AFG2A: variants seen among roughly 807,000 people sequenced by gnomAD.
The protein encoded by AFG2A is ATPase family gene 2 protein homolog A.
chr4:123,299,055 A>G, the AFG2A span, among the ~76,000 whole-genome samples: 2 of 152,184 alleles, frequency 1.3e-5, no homozygotes, highest in South Asian at 4.1e-4. Context: ...CAACATGTAC[A>G]TCACATTTTA....
chr4:123,040,829 ACT>A, the AFG2A span, among the ~76,000 whole-genome samples: 1 of 152,074 alleles, frequency 6.6e-6, no homozygotes, highest in Admixed American at 6.6e-5. Flanking sequence ...TTATGAAGTC[ACT>A]CTGTAGTATC....
chr4:123,206,307 T>C, the AFG2A span, among the ~76,000 whole-genome samples: 1 of 152,260 alleles, frequency 6.6e-6, no homozygotes, highest in East Asian at 1.9e-4. Flanking sequence ...TAGAGACATA[T>C]ATTGCCTGAG....
At chr4:123,154,023 A>C in the AFG2A span, among the ~76,000 whole-genome samples, 1 of 152,302 alleles carries the variant, frequency 6.6e-6, no homozygotes, top group East Asian at 1.9e-4. Context: ...AGACTTTTGA[A>C]AGACAAAATT....
chr4:123,276,094 C>G, the AFG2A span, among the ~76,000 whole-genome samples: 3 of 152,158 alleles, frequency 2.0e-5, no homozygotes, highest in African/African-American at 4.8e-5. Context: ...CTCATTTAAA[C>G]TCCCACCAGT....
chr4:122,938,297 C>T, the AFG2A span: 4 of 1,423,744 alleles, frequency 2.8e-6, no homozygotes, highest in East Asian at 1.0e-4. Flanking sequence ...ATTCTTAATA[C>T]TTATGTGTAG....
chr4:123,251,288 T>C, the AFG2A span, among the ~76,000 whole-genome samples: 1 of 152,298 alleles, frequency 6.6e-6, no homozygotes, highest in African/African-American at 2.4e-5. Context: ...TCTCCAAGGC[T>C]GTATCCCCAG....
the AFG2A span, among the ~76,000 whole-genome samples, chr4:123,261,483 G>C: frequency 3.3e-5 from 5 of 152,178 alleles, no homozygotes; most frequent in African/African-American, 9.7e-5. Context: ...CATTATGTCA[G>C]TTGTCATAAG....
At chr4:122,925,920 G>T in the AFG2A span, among the ~76,000 whole-genome samples, 1 of 152,200 alleles carries the variant, frequency 6.6e-6, no homozygotes, top group East Asian at 1.9e-4. Flanking sequence ...ATGGTTGTTT[G>T]AAATTATCTT....
chr4:123,317,186 C>T, the AFG2A span: 1 of 138,498 alleles, frequency 7.2e-6, no homozygotes, highest in African/African-American at 2.7e-5. Flanking sequence ...GATTGCGCCA[C>T]TGCACTCCAG....
At chr4:123,039,432 AC>A in the AFG2A span, among the ~76,000 whole-genome samples, 1 of 151,648 alleles carries the variant, frequency 6.6e-6, no homozygotes, top group African/African-American at 2.4e-5. Flanking sequence ...ATTTCTTACC[AC>A]CCCTAACCCC....
At chr4:123,078,877 G>T in the AFG2A span, among the ~76,000 whole-genome samples, 1 of 152,148 alleles carries the variant, frequency 6.6e-6, no homozygotes, top group Non-Finnish European at 1.5e-5. Flanking sequence ...AAAGCCCCCA[G>T]TCCTCTAACA....
chr4:123,196,020 A>G, the AFG2A span, among the ~76,000 whole-genome samples: 1 of 98,622 alleles, frequency 1.0e-5, no homozygotes, highest in Non-Finnish European at 2.2e-5. Flanking sequence ...TTTTTTTTTT[A>G]TTGAGACGGA....
chr4:122,962,792 A>T, the AFG2A span, among the ~76,000 whole-genome samples: 96 of 152,200 alleles, frequency 6.3e-4, 1 homozygote, highest in African/African-American at 2.1e-3. Context: ...CTGTTTTCAT[A>T]CTTATTCAGA....
the AFG2A span, among the ~76,000 whole-genome samples, chr4:123,253,442 C>CCACTG: frequency 2.7e-5 from 4 of 150,674 alleles, no homozygotes; most frequent in Non-Finnish European, 5.9e-5. Context: ...AAAGACTGCA[C>CCACTG]CACTGCACTT....
the AFG2A span, among the ~76,000 whole-genome samples, chr4:123,121,455 C>T: frequency 6.6e-6 from 1 of 152,148 alleles, no homozygotes; most frequent in Non-Finnish European, 1.5e-5. Context: ...TCACCCAGAG[C>T]AACTTCCAGT....
At chr4:123,179,095 A>G in the AFG2A span, among the ~76,000 whole-genome samples, 1 of 152,224 alleles carries the variant, frequency 6.6e-6, no homozygotes, top group South Asian at 2.1e-4. Flanking sequence ...GTCCAGGGTT[A>G]TAGAGCATAG....
At chr4:122,943,399 T>G in the AFG2A span, among the ~76,000 whole-genome samples, 2 of 152,216 alleles carry the variant, frequency 1.3e-5, no homozygotes, top group Admixed American at 6.5e-5. Context: ...ATGGCCTTCT[T>G]TGTCTCTTTT....
At chr4:123,235,534 C>T in the AFG2A span, among the ~76,000 whole-genome samples, 1 of 152,126 alleles carries the variant, frequency 6.6e-6, no homozygotes, top group Admixed American at 6.5e-5. Flanking sequence ...TTCATGACTC[C>T]AGAGAGTCTG....
the AFG2A span, among the ~76,000 whole-genome samples, chr4:123,025,142 G>C: frequency 6.6e-6 from 1 of 152,212 alleles, no homozygotes; most frequent in Non-Finnish European, 1.5e-5. Context: ...TAGAAGGACT[G>C]TATGGTCTGT....
Sources: gnomAD v4.1 joint callset for allele counts (sites outside exome capture counted in the v4.1 genomes callset) on GRCh38, gnomAD v4.1.1 for gene constraint, MANE v1.5 for transcripts, NCBI Gene and HGNC (gene_info 2026-07-23, HGNC 2026-07-21) for gene names.